MRPL15: variants seen among roughly 807,000 people sequenced by gnomAD.
The protein encoded by MRPL15 is large ribosomal subunit protein uL15m.
A neutral mutation model predicts 28.0 loss-of-function variants in MRPL15; 24 were observed. That is an observed-to-expected ratio of 0.86 (90% confidence interval 0.62 to 1.21). The LOEUF (loss-of-function observed/expected upper bound fraction) is 1.21. MRPL15 is among the 50% of genes most tolerant of loss of function. MRPL15 has a pLI of 0.00. For missense variants in MRPL15, 343 were observed against 372.4 expected (o/e 0.92, Z 0.65); for synonymous variants, 124 against 137.0 (o/e 0.90, Z 0.66).
rs1810845036 is a variant in MRPL15 at position 54,137,440 on chromosome 8, CTTGATTAGATCTTTTGGTGT to C, written c.429+9_429+28del. 7 of 1,612,364 alleles carry C rather than the reference CTTGATTAGATCTTTTGGTGT, an allele frequency of 4.3e-6. No homozygotes were observed. In the East Asian group the frequency reaches 1.6e-4, roughly 36 times the overall value. On this transcript the variant is annotated splice_region_variant and intron_variant, in intron 3 of 4. Coordinates refer to ENST00000260102, the MANE Select transcript of MRPL15 (RefSeq NM_014175.4). ...TGTCCAGCTGGTTGAGGAGGTAAGT[CTTGATTAGATCTTTTGGTGT>C]TATATAGGAGGATTTTTTTTTTAGA...
chr8:54,144,810 GA>G (rs1312702580), intron 4 of MRPL15, among the ~76,000 whole-genome samples: 1 of 152,070 alleles, frequency 6.6e-6, no homozygotes. Flanking sequence ...CCAACATGAT[GA>G]TTCCGTTTTC....
Position 54,148,226 on chromosome 8 carries a change from G to T in MRPL15, c.*507G>T, listed in dbSNP as rs1033082447. On this transcript the variant is annotated 3_prime_UTR_variant, in exon 5 of 5. Transcript: ENST00000260102. ...ACGTATGCTTAAGGTGTAAGGCTGA[G>T]GAGTAGCTGGTAGGCAGTATGTTTG... is the stretch of plus-strand genomic sequence containing the variant. Among the ~76,000 whole-genome samples the T allele has an allele frequency of 6.6e-6, 1 of 152,230 alleles. No individual in the cohort carries two copies. Among genetic ancestry groups the T allele is most frequent in the Admixed American group, 6.5e-5 (1 of 15,272 alleles).
chr8:54,139,946 G>A (rs1321875346), intron 3 of MRPL15, among the ~76,000 whole-genome samples: 1 of 152,080 alleles, frequency 6.6e-6, no homozygotes, highest in South Asian at 2.1e-4. Flanking sequence ...GCAAGACCCT[G>A]TTTTATTGAA....
At chr8:54,144,736 G>A (rs1022508418) in intron 4 of MRPL15, among the ~76,000 whole-genome samples, 4 of 151,832 alleles carry the variant, frequency 2.6e-5, no homozygotes, top group East Asian at 3.9e-4. Context: ...CTGAGATCGC[G>A]CCACTGCACT....
intron 3 of MRPL15, among the ~76,000 whole-genome samples, chr8:54,141,571 G>A (rs1000409496): frequency 6.6e-6 from 1 of 152,130 alleles, no homozygotes; most frequent in Non-Finnish European, 1.5e-5. Context: ...CCTCAAAGCA[G>A]AGATATTTAA....
At chr8:54,142,883 T>C (rs1364877289) in intron 4 of MRPL15, 97 bp downstream of exon 4, 3 of 1,505,372 alleles carry the variant, frequency 2.0e-6, no homozygotes, top group Non-Finnish European at 2.7e-6. Flanking sequence ...TTGGTAGTAG[T>C]TTGGATGTAG....
Position 54,136,627 on chromosome 8 carries a change from C to T in MRPL15, c.225C>T (p.Tyr75=), listed in dbSNP as rs768220241. The T allele has an allele frequency of 3.1e-6, 5 of 1,614,164 alleles. No individual in the cohort carries two copies. The South Asian group carries it at 4.4e-5, about 14-fold the overall frequency. Residue 75 remains tyrosine, a synonymous_variant, in exon 2 of 5, where the codon TAC becomes TAT. Coordinates refer to ENST00000260102, the MANE Select transcript of MRPL15 (RefSeq NM_014175.4). The stretch of plus-strand genomic sequence containing the variant: ...TTGAGGGAGGCCAGACTCCATTTTA[C>T]ATCCGAATCCCAAAATACGGGTTTA... ...LGFEGGQTPF[Y]IRIPKYGFNE...
At chr8:54,136,426 GA>G in intron 1 of MRPL15, 84 bp from the exon 2 acceptor site, 1 of 1,449,746 alleles carries the variant, frequency 6.9e-7, no homozygotes, top group Non-Finnish European at 9.4e-7. Flanking sequence ...CTGGATGAAT[GA>G]ACAGCATAAC....
At chr8:54,144,887 C>T (rs1182388216) in intron 4 of MRPL15, among the ~76,000 whole-genome samples, 1 of 152,156 alleles carries the variant, frequency 6.6e-6, no homozygotes, top group Admixed American at 6.6e-5. Context: ...TTAGGGTAGG[C>T]TGCCTCAAAT....
intron 4 of MRPL15, among the ~76,000 whole-genome samples, chr8:54,144,546 G>A (rs1380889991): frequency 2.0e-5 from 3 of 152,080 alleles, no homozygotes; most frequent in Non-Finnish European, 2.9e-5. Flanking sequence ...CGAGATGGAC[G>A]GATCACATGA....
intron 3 of MRPL15, among the ~76,000 whole-genome samples, chr8:54,139,092 C>T (rs556472300): frequency 6.6e-5 from 10 of 152,164 alleles, no homozygotes; most frequent in East Asian, 1.9e-4. Context: ...CTCCACCTCC[C>T]GGGTTCAAGC....
At chr8:54,137,467 G>A in intron 3 of MRPL15, 34 bp downstream of exon 3, 1 of 1,599,808 alleles carries the variant, frequency 6.3e-7, no homozygotes, top group Non-Finnish European at 8.5e-7. Context: ...GTGTTATATA[G>A]GAGGATTTTT....
chr8:54,141,818 T>C (rs933728773), intron 3 of MRPL15, among the ~76,000 whole-genome samples: 10 of 152,086 alleles, frequency 6.6e-5, no homozygotes, highest in African/African-American at 2.4e-4. Context: ...TGTTATACTG[T>C]ATTTAAAAAA....
At chr8:54,146,790 C>T (rs1230361672) in intron 4 of MRPL15, among the ~76,000 whole-genome samples, 1 of 152,096 alleles carries the variant, frequency 6.6e-6, no homozygotes, top group Non-Finnish European at 1.5e-5. Context: ...GTGCGTAGGC[C>T]TTTTTTTCAC....
At position 54,147,398 on chromosome 8, in the gene MRPL15, T is replaced by C; in HGVS notation, c.570T>C (p.Pro190=). The part of the protein sequence containing the change: ...DPRSLDIVCK[P]VPFFLRGQPI... ...TTCTTTTAGACATTGTATGCAAACC[T>C]GTTCCATTCTTTCTTCGTGGACAAC... Residue 190 remains proline, a synonymous_variant, in exon 5 of 5, where the codon CCT becomes CCC. Coordinates refer to ENST00000260102, the MANE Select transcript of MRPL15 (RefSeq NM_014175.4). 1 of 1,610,840 alleles carries C rather than the reference T, an allele frequency of 6.2e-7. No homozygotes were observed. The highest frequency in any genetic ancestry group is 8.5e-7 in the Non-Finnish European group (1 of 1,177,982).
In MRPL15 at chr8:54,148,451, A is replaced by T. The variant is rs189861801; in HGVS notation, c.*732A>T. 7.9e-5 allele frequency among the ~76,000 whole-genome samples: 12 copies of T among 152,346 alleles called. No homozygotes were observed. The highest frequency in any genetic ancestry group is 5.2e-4 in the Admixed American group (8 of 15,294). ...ATTCCAAAGAATGGAACCTTGGGCC[A>T]TGTGGTCAGTGTTATAGCTCTAGTA... On this transcript the variant is annotated 3_prime_UTR_variant, in exon 5 of 5. Coordinates refer to ENST00000260102, the MANE Select transcript of MRPL15 (RefSeq NM_014175.4).
intron 4 of MRPL15, among the ~76,000 whole-genome samples, chr8:54,143,508 C>T: frequency 6.6e-6 from 1 of 152,166 alleles, no homozygotes; most frequent in Admixed American, 6.6e-5. Context: ...TGAGTTGTTT[C>T]TTCAAACTGT....
intron 4 of MRPL15, among the ~76,000 whole-genome samples, chr8:54,146,686 CGAT>C (rs983938821): frequency 6.6e-6 from 1 of 152,122 alleles, no homozygotes; most frequent in African/African-American, 2.4e-5. Context: ...ATTGCTAACA[CGAT>C]GAGTAGAGTG....
chr8:54,139,641 G>T (rs1358226888), intron 3 of MRPL15, among the ~76,000 whole-genome samples: 1 of 151,988 alleles, frequency 6.6e-6, no homozygotes, highest in African/African-American at 2.4e-5. Context: ...TTTACCCCAG[G>T]GCACTGGTCA....
Sources: gnomAD v4.1 joint callset for allele counts (sites outside exome capture counted in the v4.1 genomes callset) on GRCh38, gnomAD v4.1.1 for gene constraint, MANE v1.5 for transcripts, NCBI Gene and HGNC (gene_info 2026-07-23, HGNC 2026-07-21) for gene names.